Variants in ZNF490 observed in about 807,000 individuals in gnomAD.
The protein encoded by ZNF490 is zinc finger protein 490.
A neutral mutation model predicts 17.7 loss-of-function variants in ZNF490; 11 were observed. That is an observed-to-expected ratio of 0.62 (90% confidence interval 0.39 to 1.03). The LOEUF (loss-of-function observed/expected upper bound fraction) is 1.03. ZNF490 is among the 50% of genes least tolerant of loss of function. The pLI, the probability that ZNF490 is intolerant of heterozygous loss-of-function variation, is 0.00. For missense variants in ZNF490, 542 were observed against 643.4 expected (o/e 0.84, Z 1.71); for synonymous variants, 222 against 216.1 (o/e 1.03, Z -0.24).
chr19:12,593,483 C>A (rs1332721728), intron 2 of ZNF490, among the ~76,000 whole-genome samples: 1 of 152,098 alleles, frequency 6.6e-6, no homozygotes, highest in Non-Finnish European at 1.5e-5. Context: ...CTCCTGACCT[C>A]AAGTGATCCA....
chr19:12,591,885 G>GT (rs1016107168), intron 2 of ZNF490, among the ~76,000 whole-genome samples: 34 of 151,206 alleles, frequency 2.2e-4, no homozygotes, highest in South Asian at 8.3e-4. Flanking sequence ...ATGCTCCTAG[G>GT]TATTTACTAA....
At chr19:12,604,551 A>G (rs938871232) in intron 2 of ZNF490, among the ~76,000 whole-genome samples, 4 of 152,090 alleles carry the variant, frequency 2.6e-5, no homozygotes, top group Admixed American at 6.6e-5. Flanking sequence ...TAATCCAGCT[A>G]CTTGAGAGAC....
intron 2 of ZNF490, among the ~76,000 whole-genome samples, chr19:12,583,805 ATATATAT>A (rs2022777033): frequency 4.3e-5 from 5 of 115,270 alleles, no homozygotes; most frequent in African/African-American, 6.9e-5. Flanking sequence ...ATATATATAT[ATATATAT>A]TTTTTTTTTT....
Position 12,578,389 on chromosome 19 carries a change from CTG to C in ZNF490, c.*2094_*2095del. Reference sequence around the variant, plus strand: ...GCTGGTAACCGCAGGAGAGTGGATGCTGTGTGGTCAAGGGGTGTGTGTCCCAT... The same window carrying C: ...GCTGGTAACCGCAGGAGAGTGGATGCTGTGGTCAAGGGGTGTGTGTCCCAT... On this transcript the variant is annotated 3_prime_UTR_variant, in exon 5 of 5. Coordinates refer to ENST00000311437, the MANE Select transcript of ZNF490 (RefSeq NM_020714.3). The C allele has an allele frequency of 3.0e-6, 3 of 985,518 alleles. No homozygotes were observed. Among genetic ancestry groups the C allele is most frequent in the Non-Finnish European group, 3.6e-6 (3 of 830,022 alleles). The allele number at this position is 985,518 out of a possible 1,614,324, so 61.0% of individuals were successfully genotyped here. A position where few individuals can be genotyped will look rare whatever the true frequency, so the allele number is the denominator to read the frequency against.
intron 2 of ZNF490, among the ~76,000 whole-genome samples, chr19:12,601,256 C>T (rs907802989): frequency 2.7e-5 from 4 of 150,594 alleles, no homozygotes; most frequent in South Asian, 2.1e-4. Context: ...GGCGTGGTGG[C>T]GGGCACCTGT....
At position 12,580,103 on chromosome 19, in the gene ZNF490, ATC is replaced by A. The variant is rs2022707487; in HGVS notation, c.*380_*381del. Reference sequence around the variant, plus strand: ...GCCTGGGCAACAAGAGCAAAATTACATCTCAACAAAAACAAAAACAAAAAACA... The same window carrying A: ...GCCTGGGCAACAAGAGCAAAATTACATCAACAAAAACAAAAACAAAAAACA... On this transcript the variant is annotated 3_prime_UTR_variant, in exon 5 of 5. Transcript: ENST00000311437. The A allele has an allele frequency of 1.0e-6, 1 of 992,818 alleles. No homozygotes were observed. The highest frequency in any genetic ancestry group is 1.2e-6 in the Non-Finnish European group (1 of 833,372). 61.5% of individuals were successfully genotyped at this position (992,818 alleles called of 1,614,324 possible).
At chr19:12,584,984 T>C (rs2145145157) in intron 2 of ZNF490, among the ~76,000 whole-genome samples, 1 of 94,338 alleles carries the variant, frequency 1.1e-5, no homozygotes, top group East Asian at 2.0e-4. Flanking sequence ...CATGAAGGTT[T>C]ATTACTCGCA....
At chr19:12,597,944 G>C (rs1043812397) in intron 2 of ZNF490, among the ~76,000 whole-genome samples, 29 of 152,224 alleles carry the variant, frequency 1.9e-4, no homozygotes, top group African/African-American at 6.5e-4. Flanking sequence ...TATAGATTCC[G>C]GCCGGGTGCG....
Position 12,610,137 on chromosome 19 carries a change from G to A in ZNF490, c.117+427C>T, listed in dbSNP as rs2023127733. 2.0e-5 allele frequency among the ~76,000 whole-genome samples: 3 copies of A among 151,006 alleles called. No homozygotes were observed. The South Asian group carries it at 6.2e-4, about 31-fold the overall frequency. ...TTGGTCTGAAGAGTCCCTGTGCCCA[G>A]GTTAGGGTTGCAATTTACCACCCGA... On this transcript the variant is annotated intron_variant, in intron 1 of 4. Transcript: ENST00000311437.
chr19:12,583,811 A>ATTTTT (rs879747918), intron 2 of ZNF490, among the ~76,000 whole-genome samples: 24 of 78,662 alleles, frequency 3.1e-4, no homozygotes, highest in African/African-American at 1.1e-3. Context: ...ATATATATAT[A>ATTTTT]TTTTTTTTTT....
intron 2 of ZNF490, among the ~76,000 whole-genome samples, chr19:12,600,189 C>T (rs998439490): frequency 1.3e-4 from 20 of 151,612 alleles, no homozygotes; most frequent in African/African-American, 3.6e-4. Flanking sequence ...GGTGAAACCC[C>T]GTCTCTACTA....
intron 2 of ZNF490, among the ~76,000 whole-genome samples, chr19:12,590,460 C>T (rs1284893357): frequency 6.6e-6 from 1 of 150,690 alleles, no homozygotes; most frequent in African/African-American, 2.4e-5. Flanking sequence ...CAATGATCCC[C>T]CCAACCCCTG....
At chr19:12,592,562 AGAGG>A (rs1244970149) in intron 2 of ZNF490, among the ~76,000 whole-genome samples, 1 of 152,152 alleles carries the variant, frequency 6.6e-6, no homozygotes, top group East Asian at 1.9e-4. Flanking sequence ...GAATTTGGGA[AGAGG>A]GAGGGACTAA....
In ZNF490 at chr19:12,580,832, C is replaced by A; in HGVS notation, c.1243G>T (p.Glu415Ter). The A allele has an allele frequency of 6.2e-7, 1 of 1,614,060 alleles. No homozygotes were observed. The highest frequency in any genetic ancestry group is 8.5e-7 in the Non-Finnish European group (1 of 1,180,008). Residue 415 changes from glutamate (E) to a stop codon, truncating the protein, a stop_gained, in exon 5 of 5, where the codon GAG (glutamate) becomes TAG (stop). Coordinates refer to ENST00000311437, the MANE Select transcript of ZNF490 (RefSeq NM_020714.3). LOFTEE classifies it low-confidence loss of function (END_TRUNC). ...LQLHERVHTGEKTYECKECGK... is the reference protein window; with the variant it reads ...LQLHERVHTG ...CATTCTTTACATTCGTAAGTTTTCT[C>A]GCCAGTGTGAACTCTTTCGTGCAAC...
Position 12,579,519 on chromosome 19 carries a change from T to A in ZNF490, c.*966A>T, listed in dbSNP as rs1599303600. 1 of 103,980 alleles carries A rather than the reference T, an allele frequency of 9.6e-6. No homozygotes were observed. The allele number at this position is 103,980 out of a possible 1,614,324, so 6.4% of individuals were successfully genotyped here. On this transcript the variant is annotated 3_prime_UTR_variant, in exon 5 of 5. Transcript: ENST00000311437. The stretch of plus-strand genomic sequence containing the variant: ...TTTCACTCCAGCCTAGGCAACAGAG[T>A]AAGACTCCAGCTCAAAAAAAAAAAA...
rs1312632757 is a variant in ZNF490, at chr19:12,587,211, A to G, written c.163-3655T>C. On this transcript the variant is annotated intron_variant, in intron 2 of 4. Coordinates refer to ENST00000311437, the MANE Select transcript of ZNF490 (RefSeq NM_020714.3). The stretch of plus-strand genomic sequence containing the variant: ...GAGTGCAGTTGTGGGATGACAGATG[A>G]CTATAACCTCAAACTCCTGGGCTCA... Among the ~76,000 whole-genome samples the G allele has an allele frequency of 2.4e-5, 2 of 83,862 alleles. 1 individual carries two copies. The highest frequency in any genetic ancestry group is 7.2e-5 in the African/African-American group (2 of 27,740). The allele number at this position is 83,862 out of a possible 152,430, so 55.0% of individuals were successfully genotyped here.
At chr19:12,583,631 G>A in intron 2 of ZNF490, 75 bp from the exon 3 acceptor site, 1 of 1,436,524 alleles carries the variant, frequency 7.0e-7, no homozygotes, top group Non-Finnish European at 9.3e-7. Context: ...CAGAATTCCT[G>A]AGAAATTCCA....
chr19:12,610,189 T>G (rs1418786875), intron 1 of ZNF490, among the ~76,000 whole-genome samples: 1 of 136,534 alleles, frequency 7.3e-6, no homozygotes, highest in Non-Finnish European at 1.5e-5. Context: ...TCCTACGGAT[T>G]GTTTTTTCTT....
intron 2 of ZNF490, among the ~76,000 whole-genome samples, chr19:12,594,036 T>A (rs1352461543): frequency 6.6e-6 from 1 of 152,166 alleles, no homozygotes; most frequent in Non-Finnish European, 1.5e-5. Flanking sequence ...ATGTTCAGGA[T>A]AACCTAGTAC....
Sources: gnomAD v4.1 joint callset for allele counts (sites outside exome capture counted in the v4.1 genomes callset) on GRCh38, gnomAD v4.1.1 for gene constraint, MANE v1.5 for transcripts, NCBI Gene and HGNC (gene_info 2026-07-23, HGNC 2026-07-21) for gene names.